CNTN4: variants seen among roughly 807,000 people sequenced by gnomAD.
CNTN4 encodes contactin 4, also known as contactin-4.
CNTN4 carries 77 observed loss-of-function variants against 122.5 expected under a neutral mutation model. The ratio of observed to expected loss-of-function variants is 0.63; its 90% CI spans 0.52 to 0.76. The LOEUF (loss-of-function observed/expected upper bound fraction) is 0.76, where lower values mean the gene tolerates loss of function less well. CNTN4 is among the 30% of genes least tolerant of loss of function. The pLI is 0.00. For synonymous variants in CNTN4, 512 were observed against 447.0 expected (o/e 1.15, Z -1.83); for missense variants, 1,256 against 1,259.1 (o/e 1.00, Z 0.04).
chr3:2,812,738 C>T (rs2092643043), intron 6 of CNTN4, among the ~76,000 whole-genome samples: 1 of 152,184 alleles, frequency 6.6e-6, no homozygotes, highest in South Asian at 2.1e-4. Context: ...GACCAGGCAG[C>T]ATCTTAAGTG....
chr3:2,890,869 C>G (rs760404262), intron 10 of CNTN4, among the ~76,000 whole-genome samples: 4 of 152,170 alleles, frequency 2.6e-5, no homozygotes, highest in African/African-American at 9.7e-5. Context: ...CTACTTTTCT[C>G]AGTCTGTTTT....
chr3:2,491,019 GA>G (rs978228962), intron 3 of CNTN4, among the ~76,000 whole-genome samples: 74 of 152,228 alleles, frequency 4.9e-4, no homozygotes, highest in African/African-American at 1.7e-3. Context: ...GAATAGGGGG[GA>G]AAAATCAGTC....
chr3:2,962,310 C>T (rs2094869309), intron 13 of CNTN4, among the ~76,000 whole-genome samples: 1 of 152,166 alleles, frequency 6.6e-6, no homozygotes. Flanking sequence ...TCCCAGGTTT[C>T]CTTTCTGCCA....
intron 2 of CNTN4, among the ~76,000 whole-genome samples, chr3:2,233,234 C>A (rs186262333): frequency 6.6e-6 from 1 of 152,112 alleles, no homozygotes; most frequent in Non-Finnish European, 1.5e-5. Flanking sequence ...AGATTCTTCA[C>A]TGATCCCTGT....
intron 4 of CNTN4, among the ~76,000 whole-genome samples, chr3:2,597,008 A>C (rs34654980): frequency 0.11 from 16,190 of 152,082 alleles, 1,134 homozygotes; most frequent in Non-Finnish European, 0.16. Context: ...TAGCCCATAT[A>C]AACTCAGAAA....
At chr3:2,361,666 TAAAAAAATTTTACTTTTATAAAATAA>T (rs2045148533) in intron 3 of CNTN4, among the ~76,000 whole-genome samples, 1 of 152,182 alleles carries the variant, frequency 6.6e-6, no homozygotes, top group Admixed American at 6.5e-5. Context: ...TCTGCTGCTA[TAAAAAAATTTTACTTTTATAAAATAA>T]AAATATTTTC....
intron 3 of CNTN4, among the ~76,000 whole-genome samples, chr3:2,340,398 C>T (rs957422630): frequency 2.0e-5 from 3 of 151,596 alleles, no homozygotes; most frequent in East Asian, 1.9e-4. Flanking sequence ...AAAAATTATT[C>T]GGTACAGGGT....
chr3:2,142,407 C>T (rs1249869089), intron 2 of CNTN4, among the ~76,000 whole-genome samples: 1 of 151,568 alleles, frequency 6.6e-6, no homozygotes, highest in Non-Finnish European at 1.5e-5. Flanking sequence ...TTCTGTCGCC[C>T]AGGCTGGAGT....
intron 7 of CNTN4, among the ~76,000 whole-genome samples, chr3:2,827,707 C>T (rs768263605): frequency 1.3e-5 from 2 of 152,200 alleles, no homozygotes; most frequent in Non-Finnish European, 2.9e-5. Flanking sequence ...ATAGTCTTCT[C>T]ATAAGCCAAA....
chr3:2,883,104 T>C (rs1457222789), intron 8 of CNTN4, 41 bp from the exon 9 acceptor site: 1 of 1,410,146 alleles, frequency 7.1e-7, no homozygotes, highest in Non-Finnish European at 1.0e-6. Context: ...TTATACATTT[T>C]AAAAGAATCT....
chr3:2,222,736 A>G (rs960161357), intron 2 of CNTN4, among the ~76,000 whole-genome samples: 1 of 152,152 alleles, frequency 6.6e-6, no homozygotes, highest in African/African-American at 2.4e-5. Flanking sequence ...ACTTATCATT[A>G]TAAATAAGCT....
At chr3:2,867,185 G>T (rs2093733769) in intron 8 of CNTN4, among the ~76,000 whole-genome samples, 2 of 152,168 alleles carry the variant, frequency 1.3e-5, no homozygotes, top group Admixed American at 1.3e-4. Flanking sequence ...ATAGAATGAG[G>T]ATTTAGGTGA....
chr3:2,734,132 C>T (rs2088902134), intron 4 of CNTN4, among the ~76,000 whole-genome samples: 1 of 152,106 alleles, frequency 6.6e-6, no homozygotes, highest in Non-Finnish European at 1.5e-5. Flanking sequence ...ATGATCATGG[C>T]TCACTGCAGC....
chr3:2,787,793 G>GTTTTT (rs10538575), intron 6 of CNTN4, among the ~76,000 whole-genome samples: 1 of 138,498 alleles, frequency 7.2e-6, no homozygotes, highest in Admixed American at 7.3e-5. Flanking sequence ...GTGGGTTTTT[G>GTTTTT]TTTTTTTTTT....
Position 2,284,356 on chromosome 3 carries a change from T to C in CNTN4, c.-144-54822T>C, listed in dbSNP as rs577355633. Among the ~76,000 whole-genome samples, 312 of 152,238 alleles carry C rather than the reference T, an allele frequency of 2.0e-3. 1 individual carries two copies. The highest frequency in any genetic ancestry group is 7.3e-3 in the African/African-American group (303 of 41,556). ...CTTTATTTTAGGCCAATCTATAGTA[T>C]ACATATCAAAACTTAGCTTGCTCTG... On this transcript the variant is annotated intron_variant, in intron 2 of 24. Transcript: ENST00000418658.
At chr3:2,961,556 A>G (rs1577413776) in intron 13 of CNTN4, among the ~76,000 whole-genome samples, 1 of 152,058 alleles carries the variant, frequency 6.6e-6, no homozygotes, top group East Asian at 1.9e-4. Context: ...AAATAAAGAT[A>G]TTTTTATTTT....
intron 2 of CNTN4, among the ~76,000 whole-genome samples, chr3:2,161,961 T>A (rs548824768): frequency 2.4e-4 from 36 of 152,236 alleles, no homozygotes; most frequent in Non-Finnish European, 1.8e-4. Flanking sequence ...TTGATTAGAA[T>A]GTTTGCATCC....
At chr3:2,171,599 A>G (rs1047445561) in intron 2 of CNTN4, among the ~76,000 whole-genome samples, 1 of 152,190 alleles carries the variant, frequency 6.6e-6, no homozygotes, top group African/African-American at 2.4e-5. Context: ...ATTATCGTCT[A>G]TATTCTACCT....
intron 4 of CNTN4, among the ~76,000 whole-genome samples, chr3:2,603,611 T>C (rs1016646295): frequency 3.3e-5 from 5 of 152,210 alleles, no homozygotes; most frequent in African/African-American, 1.2e-4. Context: ...ACGTTTCATG[T>C]CATATGGCTT....
Sources: gnomAD v4.1 joint callset for allele counts (sites outside exome capture counted in the v4.1 genomes callset) on GRCh38, gnomAD v4.1.1 for gene constraint, MANE v1.5 for transcripts, NCBI Gene and HGNC (gene_info 2026-07-23, HGNC 2026-07-21) for gene names.